The following MYO3B variants were observed in gnomAD, a reference collection of about 807,000 sequenced individuals.
The protein encoded by MYO3B is myosin IIIB.
In MYO3B, 156 loss-of-function variants were observed where a neutral mutation model predicts 174.6. That is an observed-to-expected ratio of 0.89 (90% CI 0.78 to 1.02). The LOEUF (loss-of-function observed/expected upper bound fraction) is 1.02, where lower values mean the gene tolerates loss of function less well. Ranked by LOEUF, MYO3B falls within the 50% of genes least tolerant of loss-of-function variation. The pLI is 0.00. For missense variants in MYO3B, 1,632 were observed against 1,639.4 expected (o/e 1.00, Z 0.08); for synonymous variants, 563 against 569.1 (o/e 0.99, Z 0.15).
intron 7 of MYO3B, among the ~76,000 whole-genome samples, chr2:170,277,821 TAA>T (rs1371814277): frequency 2.6e-5 from 4 of 152,236 alleles, no homozygotes; most frequent in African/African-American, 9.6e-5. Flanking sequence ...ATTTTCCATG[TAA>T]AATACATACA....
chr2:170,464,190 T>TA (rs1479140023), intron 24 of MYO3B, among the ~76,000 whole-genome samples: 3 of 151,310 alleles, frequency 2.0e-5, no homozygotes, highest in African/African-American at 7.3e-5. Context: ...CCTTCTCTAG[T>TA]AAAAATGCAA....
At chr2:170,465,638 C>T (rs552532311) in intron 24 of MYO3B, among the ~76,000 whole-genome samples, 16 of 152,210 alleles carry the variant, frequency 1.1e-4, no homozygotes, top group Non-Finnish European at 1.5e-5. Flanking sequence ...GATCTTAGGG[C>T]CCCCCTATCA....
chr2:170,469,896 AGTT>A (rs1413720336), intron 25 of MYO3B, among the ~76,000 whole-genome samples: 4 of 152,012 alleles, frequency 2.6e-5, no homozygotes, highest in African/African-American at 9.7e-5. Context: ...TGAGGTCGGG[AGTT>A]CGAGACCAGC....
chr2:170,466,788 C>T, intron 25 of MYO3B, 77 bp downstream of exon 25: 1 of 1,438,960 alleles, frequency 6.9e-7, no homozygotes, highest in Non-Finnish European at 9.6e-7. Flanking sequence ...TAAGATTGTT[C>T]CTCCTGCGTG....
chr2:170,458,309 T>C (rs1343522293), intron 23 of MYO3B, among the ~76,000 whole-genome samples: 1 of 152,204 alleles, frequency 6.6e-6, no homozygotes, highest in African/African-American at 2.4e-5. Flanking sequence ...TATATACAGT[T>C]TACCATTGAC....
intron 7 of MYO3B, among the ~76,000 whole-genome samples, chr2:170,319,889 A>G (rs2093802991): frequency 6.6e-6 from 1 of 152,206 alleles, no homozygotes; most frequent in South Asian, 2.1e-4. Flanking sequence ...AAGTGCTGAA[A>G]AAGTTGTCAA....
intron 22 of MYO3B, among the ~76,000 whole-genome samples, chr2:170,442,947 G>A: frequency 6.6e-6 from 1 of 152,106 alleles, no homozygotes; most frequent in Non-Finnish European, 1.5e-5. Context: ...ATTGTGAATA[G>A]TGCCGCAATA....
intron 1 of MYO3B, among the ~76,000 whole-genome samples, chr2:170,183,137 A>G (rs2092423872): frequency 6.6e-6 from 1 of 151,994 alleles, no homozygotes; most frequent in Non-Finnish European, 1.5e-5. Flanking sequence ...TGCACCTGTA[A>G]TCCCAGTTAC....
At chr2:170,207,052 C>T (rs996201143) in intron 3 of MYO3B, among the ~76,000 whole-genome samples, 16 of 152,156 alleles carry the variant, frequency 1.1e-4, no homozygotes, top group African/African-American at 3.9e-4. Context: ...CCTCACCATG[C>T]CATACTTTCA....
At position 170,200,186 on chromosome 2, in the gene MYO3B, T is replaced by G; in HGVS notation, c.223T>G (p.Leu75Val). 1.2e-6 allele frequency: 2 copies of G among 1,613,494 alleles called. No homozygotes were observed. Among genetic ancestry groups the G allele is most frequent in the Non-Finnish European group, 1.7e-6 (2 of 1,179,648 alleles). Reference protein sequence around the residue: ...DEEIEAEYNILQFLPNHPNVV... With the variant: ...DEEIEAEYNIVQFLPNHPNVV... ...AGAAATTGAGGCAGAATACAACATT[T>G]TGCAGTTCCTTCCTAATCATCCCAA... The change falls in exon 3 of 35, where the codon TTG becomes GTG. Residue 75 changes from leucine (L) to valine (V), a missense_variant. By Grantham distance (32) the Leu-to-Val change is conservative. Coordinates refer to ENST00000408978, the MANE Select transcript of MYO3B (RefSeq NM_138995.5).
chr2:170,258,823 A>G (rs1235584655), intron 7 of MYO3B, among the ~76,000 whole-genome samples: 2 of 152,022 alleles, frequency 1.3e-5, no homozygotes, highest in African/African-American at 2.4e-5. Flanking sequence ...AACCTTAAAG[A>G]CTCCACCTAA....
At chr2:170,630,823 T>C (rs1156267291) in intron 32 of MYO3B, among the ~76,000 whole-genome samples, 2 of 152,172 alleles carry the variant, frequency 1.3e-5, no homozygotes, top group African/African-American at 4.8e-5. Flanking sequence ...ACCTGACTGT[T>C]AGAAGGAAAA....
intron 5 of MYO3B, 65 bp downstream of exon 5, chr2:170,214,893 C>A: frequency 2.4e-6 from 3 of 1,237,632 alleles, no homozygotes; most frequent in Admixed American, 1.7e-5. Context: ...CAATTTATTG[C>A]AATCTCAGAA....
chr2:170,562,248 C>T (rs900552816), intron 32 of MYO3B, among the ~76,000 whole-genome samples: 15 of 152,120 alleles, frequency 9.9e-5, no homozygotes, highest in African/African-American at 3.6e-4. Flanking sequence ...TTATTGCTCT[C>T]TTTGAAAGCA....
chr2:170,470,329 A>T (rs1051357133), intron 25 of MYO3B, among the ~76,000 whole-genome samples: 1 of 151,982 alleles, frequency 6.6e-6, no homozygotes, highest in African/African-American at 2.4e-5. Context: ...TATTTTTGAC[A>T]TTTCGTGTAA....
At chr2:170,358,119 T>A (rs1196665993) in intron 8 of MYO3B, among the ~76,000 whole-genome samples, 1 of 150,280 alleles carries the variant, frequency 6.7e-6, no homozygotes, top group African/African-American at 2.5e-5. Context: ...ACCATTGCAC[T>A]CCAGCCTGGG....
intron 32 of MYO3B, among the ~76,000 whole-genome samples, chr2:170,598,595 C>T (rs1694295746): frequency 6.6e-6 from 1 of 152,170 alleles, no homozygotes; most frequent in South Asian, 2.1e-4. Flanking sequence ...CATGCTATGG[C>T]TACAGGCCAC....
At chr2:170,538,158 C>T (rs1689851945) in intron 30 of MYO3B, among the ~76,000 whole-genome samples, 1 of 152,128 alleles carries the variant, frequency 6.6e-6, no homozygotes, top group African/African-American at 2.4e-5. Flanking sequence ...ATAGAAAAAG[C>T]CAGTTACTAG....
chr2:170,289,494 G>A (rs942069646), intron 7 of MYO3B, among the ~76,000 whole-genome samples: 12 of 151,810 alleles, frequency 7.9e-5, no homozygotes, highest in Admixed American at 7.9e-4. Context: ...CAATTCGTTG[G>A]CATTTAGTTG....
Sources: gnomAD v4.1 joint callset for allele counts (sites outside exome capture counted in the v4.1 genomes callset) on GRCh38, gnomAD v4.1.1 for gene constraint, MANE v1.5 for transcripts, NCBI Gene and HGNC (gene_info 2026-07-23, HGNC 2026-07-21) for gene names.